Variants in SMARCC1 observed in about 807,000 individuals in gnomAD.
SMARCC1 encodes the protein SWI/SNF related BAF chromatin remodeling complex subunit C1, also known as SWI/SNF complex subunit SMARCC1.
In SMARCC1, 43 loss-of-function variants were observed where a neutral mutation model predicts 147.4. That is an observed-to-expected ratio of 0.29 (90% CI 0.23 to 0.38). SMARCC1 has a LOEUF of 0.38. Ranked by LOEUF, SMARCC1 falls within the 10% of genes least tolerant of loss-of-function variation. SMARCC1 has a pLI of 1.00. For synonymous variants in SMARCC1, 495 were observed against 484.4 expected, an observed-to-expected ratio of 1.02 and a Z score of -0.29; for missense variants, 1,119 against 1,381.1, an observed-to-expected ratio of 0.81 and a Z score of 3.01.
intron 24 of SMARCC1, among the ~76,000 whole-genome samples, chr3:47,625,147 A>ATT (rs767880213): frequency 2.8e-5 from 4 of 143,148 alleles, no homozygotes; most frequent in African/African-American, 2.6e-5. Flanking sequence ...ATATGTTGGA[A>ATT]TTTTTTTTTT....
chr3:47,624,894 TAA>T (rs60766054), intron 24 of SMARCC1, among the ~76,000 whole-genome samples: 2,491 of 111,728 alleles, frequency 0.022, 58 homozygotes, highest in African/African-American at 0.073. Flanking sequence ...TACTAAAAAT[TAA>T]AAAAAAAAAA....
intron 26 of SMARCC1, among the ~76,000 whole-genome samples, chr3:47,606,758 G>A (rs1007016696): frequency 6.6e-5 from 10 of 152,006 alleles, no homozygotes; most frequent in Non-Finnish European, 2.9e-5. Context: ...GAGTGTAACG[G>A]TGCAGTGTCA....
intron 7 of SMARCC1, among the ~76,000 whole-genome samples, chr3:47,715,993 A>G (rs1414190240): frequency 1.3e-5 from 2 of 151,968 alleles, no homozygotes; most frequent in Non-Finnish European, 2.9e-5. Flanking sequence ...AATAGGCACA[A>G]AATTTTAACC....
intron 3 of SMARCC1, among the ~76,000 whole-genome samples, chr3:47,741,241 T>G (rs905990448): frequency 6.6e-6 from 1 of 151,620 alleles, no homozygotes; most frequent in Non-Finnish European, 1.5e-5. Context: ...CTTTAACTTT[T>G]TCGAAGAGAG....
chr3:47,640,378 TAAAC>T (rs569585877), intron 21 of SMARCC1, among the ~76,000 whole-genome samples: 18 of 151,722 alleles, frequency 1.2e-4, no homozygotes, highest in Non-Finnish European at 2.4e-4. Flanking sequence ...AGAGATGACA[TAAAC>T]AAACTATATG....
chr3:47,700,933 G>A (rs150362634), intron 11 of SMARCC1, among the ~76,000 whole-genome samples: 19 of 152,252 alleles, frequency 1.2e-4, no homozygotes, highest in African/African-American at 1.2e-4. Context: ...CTTCAAATTT[G>A]CATCCACATA....
chr3:47,720,650 A>G lies in SMARCC1; in HGVS notation c.716+16T>C, dbSNP rs761017614. 4.0e-5 allele frequency: 61 copies of G among 1,539,520 alleles called. No homozygotes were observed. The highest frequency in any genetic ancestry group is 5.3e-5 in the Non-Finnish European group (59 of 1,119,748). ...CAGAAATCTTTATACCAGGTCTCAC[A>G]GCATATGAACATTACCTGTCTGGGT... On this transcript the variant is annotated intron_variant, in intron 7 of 27. Transcript: ENST00000254480.
At chr3:47,745,866 ATAACT>A (rs1404086943) in intron 3 of SMARCC1, 37 bp downstream of exon 3, 2 of 1,221,536 alleles carry the variant, frequency 1.6e-6, no homozygotes, top group Non-Finnish European at 2.3e-6. Context: ...TTAAAAGTAA[ATAACT>A]TAAGATCAAA....
chr3:47,754,152 G>A (rs981080304), intron 2 of SMARCC1, among the ~76,000 whole-genome samples: 1 of 151,660 alleles, frequency 6.6e-6, no homozygotes, highest in African/African-American at 2.4e-5. Flanking sequence ...TTATCATGAA[G>A]CACTTTTGAC....
chr3:47,751,661 G>A (rs1387311707), intron 2 of SMARCC1, among the ~76,000 whole-genome samples: 1 of 152,026 alleles, frequency 6.6e-6, no homozygotes, highest in Non-Finnish European at 1.5e-5. Context: ...GAGCCCAGGA[G>A]TTCGAGACCC....
intron 26 of SMARCC1, among the ~76,000 whole-genome samples, chr3:47,605,979 G>C (rs1032414950): frequency 2.7e-5 from 4 of 149,100 alleles, no homozygotes; most frequent in Non-Finnish European, 5.9e-5. Context: ...CATCAATTCT[G>C]CAAGTATAAA....
At chr3:47,703,804 T>C (rs2033956118) in intron 10 of SMARCC1, among the ~76,000 whole-genome samples, 1 of 152,120 alleles carries the variant, frequency 6.6e-6, no homozygotes, top group Non-Finnish European at 1.5e-5. Context: ...ATGAGTTTTG[T>C]TTTTGTTTTT....
intron 5 of SMARCC1, among the ~76,000 whole-genome samples, chr3:47,729,511 G>T (rs2034343343): frequency 6.6e-6 from 1 of 152,104 alleles, no homozygotes. Flanking sequence ...TCAGCCTCCT[G>T]AGTAGCTGGG....
At chr3:47,686,293 G>A in intron 13 of SMARCC1, 123 bp from the exon 14 acceptor site, 2 of 761,658 alleles carry the variant, frequency 2.6e-6, no homozygotes, top group East Asian at 5.7e-5. Context: ...TCAGATATTT[G>A]AAAAACAAAT....
chr3:47,696,699 T>C (rs1174468046), intron 11 of SMARCC1, among the ~76,000 whole-genome samples: 1 of 151,920 alleles, frequency 6.6e-6, no homozygotes, highest in African/African-American at 2.4e-5. Context: ...TTTTTTGTAT[T>C]TTTAGTAGAG....
intron 26 of SMARCC1, among the ~76,000 whole-genome samples, chr3:47,607,002 A>C (rs1263379883): frequency 6.6e-6 from 1 of 151,996 alleles, no homozygotes; most frequent in Non-Finnish European, 1.5e-5. Flanking sequence ...GGTGTGAGCC[A>C]CCAAGCCTGG....
chr3:47,717,060 G>A (rs575702556), intron 7 of SMARCC1, among the ~76,000 whole-genome samples: 1,577 of 152,270 alleles, frequency 0.01, 24 homozygotes, highest in African/African-American at 0.036. Context: ...TACATAAAAA[G>A]ATTGTATATA....
intron 24 of SMARCC1, among the ~76,000 whole-genome samples, chr3:47,629,745 G>C (rs138535584): frequency 1.3e-5 from 2 of 152,124 alleles, no homozygotes; most frequent in African/African-American, 4.8e-5. Flanking sequence ...TAATAGCCCA[G>C]CGATGAGGTA....
chr3:47,641,833 C>T (rs1017955820), intron 21 of SMARCC1, among the ~76,000 whole-genome samples: 4 of 152,082 alleles, frequency 2.6e-5, no homozygotes, highest in Admixed American at 2.0e-4. Flanking sequence ...AGTGCAGTGG[C>T]GAGACATAGC....
Sources: allele counts gnomAD v4.1 joint callset (sites outside exome capture counted in the v4.1 genomes callset), GRCh38; gene constraint gnomAD v4.1.1; transcripts MANE v1.5; gene names NCBI Gene and HGNC (gene_info 2026-07-23, HGNC 2026-07-21).